L3MBTL3: variants seen among roughly 807,000 people sequenced by gnomAD.
L3MBTL3 encodes the protein lethal(3)malignant brain tumor-like protein 3.
A neutral mutation model predicts 102.3 loss-of-function variants in L3MBTL3; 27 were observed. The observed-to-expected ratio is 0.26, with a 90% confidence interval of 0.19 to 0.36. The LOEUF (loss-of-function observed/expected upper bound fraction) is 0.36. Ranked by LOEUF, L3MBTL3 falls within the 10% of genes least tolerant of loss-of-function variation. The pLI is 1.00. For missense variants in L3MBTL3, 798 were observed against 955.3 expected (o/e 0.84, Z 2.17); for synonymous variants, 340 against 320.9 (o/e 1.06, Z -0.64).
At chr6:130,120,203 C>T in intron 19 of L3MBTL3, among the ~76,000 whole-genome samples, 1 of 152,092 alleles carries the variant, frequency 6.6e-6, no homozygotes, top group East Asian at 1.9e-4. Context: ...TTTTAAGTCC[C>T]TGAAACGTAA....
At chr6:130,072,103 C>A (rs528945330) in intron 13 of L3MBTL3, among the ~76,000 whole-genome samples, 1 of 151,710 alleles carries the variant, frequency 6.6e-6, no homozygotes, top group African/African-American at 2.4e-5. Flanking sequence ...GGTTGCACAT[C>A]CATGGATTCA....
chr6:130,083,288 G>A (rs1783481087), intron 14 of L3MBTL3, among the ~76,000 whole-genome samples: 2 of 151,956 alleles, frequency 1.3e-5, no homozygotes, highest in South Asian at 2.1e-4. Context: ...ACAATTGTGT[G>A]TTGCCTTTAT....
intron 3 of L3MBTL3, among the ~76,000 whole-genome samples, chr6:130,043,944 A>G (rs1780581225): frequency 1.3e-5 from 2 of 152,202 alleles, no homozygotes; most frequent in Admixed American, 6.5e-5. Context: ...TTGGGTTTTC[A>G]GTTTTAGCTC....
chr6:130,123,632 G>A (rs1422751142), intron 20 of L3MBTL3, among the ~76,000 whole-genome samples: 1 of 152,108 alleles, frequency 6.6e-6, no homozygotes, highest in Non-Finnish European at 1.5e-5. Context: ...GTGAAAATAT[G>A]TTACGATTCT....
At chr6:130,132,087 G>A (rs150571039) in intron 20 of L3MBTL3, among the ~76,000 whole-genome samples, 1 of 152,094 alleles carries the variant, frequency 6.6e-6, no homozygotes, top group Non-Finnish European at 1.5e-5. Context: ...AGCACTGTTT[G>A]TAATAGCACC....
At position 130,139,931 on chromosome 6, in the gene L3MBTL3, C is replaced by G. The variant is rs17633592; in HGVS notation, c.*178C>G. On this transcript the variant is annotated 3_prime_UTR_variant, in exon 23 of 23. Coordinates refer to ENST00000361794, the MANE Select transcript of L3MBTL3 (RefSeq NM_032438.4). ...ATGAATTCTTATGAAAGTGCTTGAG[C>G]TTTTAACCAGGTACTGTCTAACAAC... is the stretch of plus-strand genomic sequence containing the variant. The G allele has an allele frequency of 3.7e-6, 2 of 541,752 alleles. No individual in the cohort carries two copies. Among genetic ancestry groups the G allele is most frequent in the Admixed American group, 7.4e-5 (2 of 27,042 alleles). The allele number at this position is 541,752 out of a possible 1,614,324, so 33.6% of individuals were successfully genotyped here.
At chr6:130,138,336 CAG>C (rs1276105348) in intron 22 of L3MBTL3, 1 of 152,232 alleles carries the variant, frequency 6.6e-6, no homozygotes, top group Non-Finnish European at 1.5e-5. Flanking sequence ...GGCTAGAAGT[CAG>C]GGGGTTGGCA....
chr6:130,030,665 TAAAAAA>T (rs548921467), intron 2 of L3MBTL3, among the ~76,000 whole-genome samples: 5 of 48,528 alleles, frequency 1.0e-4, no homozygotes, highest in African/African-American at 2.8e-4. Context: ...AGACTCTACC[TAAAAAA>T]AAAAAAAAAA....
intron 3 of L3MBTL3, among the ~76,000 whole-genome samples, chr6:130,048,138 G>T (rs1470635570): frequency 1.3e-5 from 2 of 152,156 alleles, no homozygotes; most frequent in Non-Finnish European, 2.9e-5. Context: ...CCAACTTGCA[G>T]TTTAGAATGT....
chr6:130,032,212 G>T (rs1242853633), intron 2 of L3MBTL3, among the ~76,000 whole-genome samples: 1 of 152,156 alleles, frequency 6.6e-6, no homozygotes, highest in Admixed American at 6.5e-5. Context: ...TTTAGGTAGT[G>T]ATCTTCACAC....
chr6:130,057,467 G>T lies in L3MBTL3; in HGVS notation c.729G>T (p.Ala243=). 6.2e-7 allele frequency: 1 copy of T among 1,610,858 alleles called. No individual in the cohort carries two copies. The highest frequency in any genetic ancestry group is 8.5e-7 in the Non-Finnish European group (1 of 1,179,062). Residue 243 remains alanine (A), a synonymous_variant, in exon 9 of 23, where the codon GCG becomes GCT. Coordinates refer to ENST00000361794, the MANE Select transcript of L3MBTL3 (RefSeq NM_032438.4). ...CWASYLEEEK[A]VAVPAKLFKE... is the part of the protein sequence containing the mutation. ...CATCCTACCTGGAAGAGGAGAAAGC[G>T]GTGGCAGTGCCGGCGAAGCTGTTCA...
rs183226205 is a variant in L3MBTL3 at position 130,063,760 on chromosome 6, C to T, written c.865-2593C>T. ...CCTTTTGGCACTTAGGGACACTAAA[C>T]AACACCTCAGCACTATGTCAGGGGC... On this transcript the variant is annotated intron_variant, in intron 10 of 22. Transcript: ENST00000361794. 5.1e-4 allele frequency among the ~76,000 whole-genome samples: 78 copies of T among 152,310 alleles called. 1 individual carries two copies. The East Asian group carries it at 0.013, about 26-fold the overall frequency.
chr6:130,093,475 C>T (rs1784178598), intron 17 of L3MBTL3, among the ~76,000 whole-genome samples: 1 of 152,142 alleles, frequency 6.6e-6, no homozygotes, highest in Admixed American at 6.6e-5. Context: ...GACTTCACTT[C>T]TGGATGCTAC....
At chr6:130,035,770 T>C (rs1206822755) in intron 2 of L3MBTL3, among the ~76,000 whole-genome samples, 2 of 152,116 alleles carry the variant, frequency 1.3e-5, no homozygotes, top group Non-Finnish European at 2.9e-5. Flanking sequence ...ATGACATTAG[T>C]AGTGGCTGGA....
At chr6:130,080,790 T>C (rs1464974074) in intron 14 of L3MBTL3, among the ~76,000 whole-genome samples, 1 of 152,276 alleles carries the variant, frequency 6.6e-6, no homozygotes, top group Admixed American at 6.5e-5. Context: ...TTATGTTATG[T>C]ATATTTTGCC....
intron 13 of L3MBTL3, among the ~76,000 whole-genome samples, chr6:130,075,762 A>G (rs796495569): frequency 4.7e-4 from 71 of 152,208 alleles, no homozygotes; most frequent in African/African-American, 1.6e-3. Flanking sequence ...TTCTGAAACT[A>G]TGGGTAATAC....
intron 7 of L3MBTL3, among the ~76,000 whole-genome samples, chr6:130,054,131 G>T (rs1197179465): frequency 1.3e-5 from 2 of 152,198 alleles, no homozygotes; most frequent in Non-Finnish European, 2.9e-5. Flanking sequence ...AGTTGAGAGT[G>T]AGGCGTCTTC....
intron 13 of L3MBTL3, among the ~76,000 whole-genome samples, chr6:130,073,262 A>C (rs979338888): frequency 6.6e-6 from 1 of 152,196 alleles, no homozygotes; most frequent in Non-Finnish European, 1.5e-5. Flanking sequence ...TTTCAAAAAC[A>C]GTAAAGATTT....
At chr6:130,049,259 C>CCT (rs68003443) in intron 3 of L3MBTL3, 23 bp from the exon 4 acceptor site, 941,620 of 1,461,284 alleles carry the variant, frequency 0.64, 312,983 homozygotes, top group East Asian at 0.73. Flanking sequence ...TTAAATTTTG[C>CCT]CTTTCTGCTG....
Sources: gnomAD v4.1 joint callset for allele counts (sites outside exome capture counted in the v4.1 genomes callset) on GRCh38, gnomAD v4.1.1 for gene constraint, MANE v1.5 for transcripts, NCBI Gene and HGNC (gene_info 2026-07-23, HGNC 2026-07-21) for gene names.